PLXDC2: variants seen among roughly 807,000 people sequenced by gnomAD.
PLXDC2 encodes the protein plexin domain-containing protein 2.
PLXDC2 carries 40 observed loss-of-function variants against 68.9 expected under a neutral mutation model. The ratio of observed to expected loss-of-function variants is 0.58; its 90% CI spans 0.45 to 0.76. PLXDC2 has a LOEUF of 0.76. Ranked by LOEUF, PLXDC2 falls within the 30% of genes least tolerant of loss-of-function variation. PLXDC2 has a pLI of 0.00. For synonymous variants in PLXDC2, 243 were observed against 234.2 expected (o/e 1.04, Z -0.34); for missense variants, 644 against 661.9 (o/e 0.97, Z 0.30).
At chr10:19,926,668 C>G (rs909931936) in intron 1 of PLXDC2, among the ~76,000 whole-genome samples, 1 of 152,138 alleles carries the variant, frequency 6.6e-6, no homozygotes, top group Non-Finnish European at 1.5e-5. Flanking sequence ...GACTCAGTGT[C>G]AGTTTTGTTA....
At chr10:20,260,928 C>A (rs1835801916) in intron 13 of PLXDC2, among the ~76,000 whole-genome samples, 1 of 152,120 alleles carries the variant, frequency 6.6e-6, no homozygotes, top group Non-Finnish European at 1.5e-5. Context: ...TTTTGACTTC[C>A]ATTTCCTGAG....
rs533016028 is a variant in PLXDC2 at position 20,032,316 on chromosome 10, T to A, written c.325-14553T>A. Among the ~76,000 whole-genome samples, 91 of 152,218 alleles carry A rather than the reference T, an allele frequency of 6.0e-4. 1 individual carries two copies. The highest frequency in any genetic ancestry group is 1.1e-3 in the Non-Finnish European group (73 of 68,022). On this transcript the variant is annotated intron_variant, in intron 2 of 13. Coordinates refer to ENST00000377252, the MANE Select transcript of PLXDC2 (RefSeq NM_032812.9). ...TGGGACAACAAGAAAACCATTGTGG[T>A]TGGTGTGGCATGTGAGATGAGGAAA... is the stretch of plus-strand genomic sequence containing the variant.
chr10:19,923,785 GC>G (rs1328951881), intron 1 of PLXDC2, among the ~76,000 whole-genome samples: 1 of 152,090 alleles, frequency 6.6e-6, no homozygotes, highest in Non-Finnish European at 1.5e-5. Context: ...ATATAATTTG[GC>G]CAGTCAGTGG....
intron 9 of PLXDC2, among the ~76,000 whole-genome samples, chr10:20,194,873 C>T (rs1834817010): frequency 6.8e-6 from 1 of 147,492 alleles, no homozygotes; most frequent in Admixed American, 7.0e-5. Flanking sequence ...GTGAGCTTTG[C>T]TCAATTACTA....
chr10:19,873,471 C>T (rs1034329640), intron 1 of PLXDC2, among the ~76,000 whole-genome samples: 6 of 141,016 alleles, frequency 4.3e-5, no homozygotes, highest in Non-Finnish European at 9.0e-5. Flanking sequence ...AGTGCAGTGG[C>T]ACAATCATGG....
chr10:20,268,443 T>C (rs1416867366), intron 13 of PLXDC2, among the ~76,000 whole-genome samples: 2 of 152,204 alleles, frequency 1.3e-5, no homozygotes, highest in Non-Finnish European at 2.9e-5. Context: ...TATATGTAAG[T>C]GTGGTTTTGC....
chr10:19,899,793 T>C (rs1412542804), intron 1 of PLXDC2, among the ~76,000 whole-genome samples: 1 of 152,176 alleles, frequency 6.6e-6, no homozygotes, highest in Non-Finnish European at 1.5e-5. Context: ...TAGATTTCTT[T>C]AACACCTTTA....
intron 1 of PLXDC2, among the ~76,000 whole-genome samples, chr10:19,950,921 T>A (rs1833981306): frequency 6.6e-6 from 1 of 152,162 alleles, no homozygotes; most frequent in Non-Finnish European, 1.5e-5. Context: ...CAATAAATGG[T>A]ACTGGGACAA....
At chr10:20,218,697 G>C (rs949943078) in intron 11 of PLXDC2, among the ~76,000 whole-genome samples, 11 of 148,940 alleles carry the variant, frequency 7.4e-5, no homozygotes, top group African/African-American at 2.8e-4. Context: ...GATTTTCCTT[G>C]ATCTTGATTT....
chr10:19,967,069 G>A (rs970117492), intron 1 of PLXDC2, among the ~76,000 whole-genome samples: 4 of 152,160 alleles, frequency 2.6e-5, no homozygotes, highest in African/African-American at 9.7e-5. Flanking sequence ...CTCAGTTGGA[G>A]CAGCCAACCT....
intron 10 of PLXDC2, 60 bp downstream of exon 10, chr10:20,211,789 A>G: frequency 2.0e-6 from 3 of 1,481,140 alleles, no homozygotes; most frequent in Non-Finnish European, 2.8e-6. Context: ...ATGTGTTTTA[A>G]CTGTTAATAA....
chr10:20,104,010 T>C (rs866490818), intron 4 of PLXDC2, among the ~76,000 whole-genome samples: 7 of 152,316 alleles, frequency 4.6e-5, no homozygotes, highest in Middle Eastern at 6.8e-3. Context: ...TGGGGTCCAG[T>C]ACCTGAAGAA....
chr10:20,057,776 C>T (rs1183469759), intron 3 of PLXDC2, among the ~76,000 whole-genome samples: 5 of 151,902 alleles, frequency 3.3e-5, no homozygotes, highest in African/African-American at 1.2e-4. Flanking sequence ...AGTCCTGATT[C>T]CATGTGGGCT....
chr10:19,916,631 T>C (rs962773230), intron 1 of PLXDC2, among the ~76,000 whole-genome samples: 2 of 152,154 alleles, frequency 1.3e-5, no homozygotes, highest in African/African-American at 4.8e-5. Flanking sequence ...TTTATTATTA[T>C]TATTATCACC....
At chr10:19,856,632 C>T (rs1041136146) in intron 1 of PLXDC2, among the ~76,000 whole-genome samples, 2 of 152,120 alleles carry the variant, frequency 1.3e-5, no homozygotes, top group African/African-American at 4.8e-5. Flanking sequence ...TTTTTACATC[C>T]CTGTCTTTCC....
At chr10:20,180,003 T>C (rs1834579989) in intron 9 of PLXDC2, among the ~76,000 whole-genome samples, 1 of 152,096 alleles carries the variant, frequency 6.6e-6, no homozygotes, top group Admixed American at 6.6e-5. Flanking sequence ...TTTTCATTGC[T>C]TTCTGAAAAA....
chr10:20,165,341 T>C (rs2131815848), intron 7 of PLXDC2, among the ~76,000 whole-genome samples: 1 of 152,260 alleles, frequency 6.6e-6, no homozygotes, highest in Middle Eastern at 3.4e-3. Context: ...GTTATTTACA[T>C]ATGTATACAT....
At chr10:20,008,297 G>A (rs1311511442) in intron 2 of PLXDC2, among the ~76,000 whole-genome samples, 4 of 152,180 alleles carry the variant, frequency 2.6e-5, no homozygotes, top group Non-Finnish European at 5.9e-5. Context: ...GCTTACGCCT[G>A]TAATCCCAGC....
At chr10:19,847,300 A>G (rs1374936015) in intron 1 of PLXDC2, among the ~76,000 whole-genome samples, 1 of 152,214 alleles carries the variant, frequency 6.6e-6, no homozygotes, top group African/African-American at 2.4e-5. Flanking sequence ...AGATGATTCC[A>G]AACAGTGGAT....
Sources: gnomAD v4.1 joint callset for allele counts (sites outside exome capture counted in the v4.1 genomes callset) on GRCh38, gnomAD v4.1.1 for gene constraint, MANE v1.5 for transcripts, NCBI Gene and HGNC (gene_info 2026-07-23, HGNC 2026-07-21) for gene names.